Variants in SNX8 observed in about 807,000 individuals in gnomAD.
SNX8 encodes sorting nexin 8, also known as sorting nexin-8.
Under a neutral mutation model 51.6 loss-of-function variants are expected in SNX8, and 25 were observed. The ratio of observed to expected loss-of-function variants is 0.48; its 90% CI spans 0.35 to 0.68. The LOEUF is 0.68. Among genes scored for constraint, SNX8 ranks in the 30% least tolerant of loss-of-function variants. The pLI is 0.00. For synonymous variants in SNX8, 324 were observed against 277.0 expected, an observed-to-expected ratio of 1.17 and a Z score of -1.68; for missense variants, 695 against 624.0, an observed-to-expected ratio of 1.11 and a Z score of -1.21.
At chr7:2,289,027 G>C (rs1419573861) in intron 1 of SNX8, among the ~76,000 whole-genome samples, 2 of 152,166 alleles carry the variant, frequency 1.3e-5, no homozygotes, top group Non-Finnish European at 2.9e-5. Flanking sequence ...GTGAGCCTCT[G>C]CACCTGGCTT....
chr7:2,276,783 A>C (rs1409813099), intron 2 of SNX8, among the ~76,000 whole-genome samples: 1 of 152,216 alleles, frequency 6.6e-6, no homozygotes, highest in Non-Finnish European at 1.5e-5. Flanking sequence ...CATCTCTACA[A>C]ATAATTTAAA....
chr7:2,316,910 G>A (rs1171306052), upstream of SNX8, among the ~76,000 whole-genome samples: 1 of 152,224 alleles, frequency 6.6e-6, no homozygotes, highest in Non-Finnish European at 1.5e-5. Flanking sequence ...ATACAAAGAT[G>A]TTTCCTGTGC....
chr7:2,257,866 C>T, intron 7 of SNX8, 63 bp from the exon 8 acceptor site: 10 of 1,504,728 alleles, frequency 6.6e-6, no homozygotes, highest in Non-Finnish European at 9.2e-6. Context: ...TGCCCGGGAA[C>T]TCAGACCCAA....
chr7:2,263,731 T>G (rs79620824), intron 6 of SNX8, among the ~76,000 whole-genome samples: 1 of 152,056 alleles, frequency 6.6e-6, no homozygotes, highest in Admixed American at 6.5e-5. Context: ...TTTTTTTTTT[T>G]GAGACGGAGT....
intron 1 of SNX8, among the ~76,000 whole-genome samples, chr7:2,304,033 G>T (rs1349592388): frequency 6.6e-6 from 1 of 151,376 alleles, no homozygotes; most frequent in Admixed American, 6.6e-5. Context: ...CAGGCGTGGT[G>T]GCGGGCGCCT....
intron 1 of SNX8, among the ~76,000 whole-genome samples, chr7:2,312,908 T>C (rs1796685646): frequency 6.9e-6 from 1 of 143,976 alleles, no homozygotes; most frequent in African/African-American, 2.5e-5. Context: ...TTTTGTTTTG[T>C]TTTTTTTGAG....
intron 1 of SNX8, among the ~76,000 whole-genome samples, chr7:2,336,964 G>C (rs1462728807): frequency 3.3e-5 from 5 of 151,816 alleles, no homozygotes; most frequent in African/African-American, 1.2e-4. Flanking sequence ...AGCCGAGACT[G>C]CGTTACTACA....
intron 7 of SNX8, among the ~76,000 whole-genome samples, chr7:2,258,267 C>T (rs1795246177): frequency 6.6e-6 from 1 of 152,126 alleles, no homozygotes; most frequent in South Asian, 2.1e-4. Context: ...CCGCCCGCCT[C>T]GGCCTCCCAA....
chr7:2,346,737 C>CACA, intron 1 of SNX8, among the ~76,000 whole-genome samples: 1 of 45,336 alleles, frequency 2.2e-5, no homozygotes, highest in South Asian at 1.3e-3. Context: ...GACTCCGTCT[C>CACA]AAAAAAAAAA....
chr7:2,319,656 A>T (rs954286513), intron 1 of SNX8, among the ~76,000 whole-genome samples: 1 of 152,194 alleles, frequency 6.6e-6, no homozygotes, highest in African/African-American at 2.4e-5. Context: ...TCTACTAAAA[A>T]TACCAAAAAT....
intron 5 of SNX8, among the ~76,000 whole-genome samples, chr7:2,266,399 T>G (rs1584675783): frequency 6.6e-6 from 1 of 151,608 alleles, no homozygotes; most frequent in South Asian, 2.1e-4. Context: ...CAGGCTGGAG[T>G]GCAGTGGCGC....
intron 1 of SNX8, among the ~76,000 whole-genome samples, chr7:2,300,641 CT>C (rs201999410): frequency 8.2e-5 from 12 of 147,066 alleles, no homozygotes; most frequent in African/African-American, 7.5e-5. Context: ...GTCTTTTTTT[CT>C]TTTTTTTTTA....
chr7:2,340,238 ATT>A (rs773460984), intron 1 of SNX8, among the ~76,000 whole-genome samples: 2 of 144,120 alleles, frequency 1.4e-5, no homozygotes, highest in Non-Finnish European at 1.5e-5. Context: ...AATTTTCATA[ATT>A]TTTTTTTTTT....
intron 1 of SNX8, among the ~76,000 whole-genome samples, chr7:2,352,118 G>C (rs1187070625): frequency 6.6e-6 from 1 of 151,766 alleles, no homozygotes; most frequent in Non-Finnish European, 1.5e-5. Flanking sequence ...ATGTTGTTCA[G>C]GCTGGTCTCG....
At chr7:2,316,459 A>G (rs1167667640), upstream of SNX8, among the ~76,000 whole-genome samples, 4 of 147,904 alleles carry the variant, frequency 2.7e-5, no homozygotes, top group Non-Finnish European at 5.9e-5. Flanking sequence ...TGCATCCTGC[A>G]TTCATTCACC....
intron 4 of SNX8, among the ~76,000 whole-genome samples, chr7:2,271,122 C>G (rs1246694397): frequency 6.6e-6 from 1 of 152,248 alleles, no homozygotes; most frequent in Non-Finnish European, 1.5e-5. Context: ...CAGCTCACTG[C>G]AAGCTCCACC....
intron 1 of SNX8, among the ~76,000 whole-genome samples, chr7:2,352,660 G>A (rs968803161): frequency 1.3e-5 from 2 of 151,732 alleles, no homozygotes; most frequent in Admixed American, 6.6e-5. Flanking sequence ...GTGAAACCTC[G>A]TCTCTACTAA....
chr7:2,263,202 A>G (rs977415524), intron 7 of SNX8, 28 bp downstream of exon 7: 3 of 1,612,100 alleles, frequency 1.9e-6, no homozygotes, highest in African/African-American at 1.3e-5. Context: ...TCTCTGGAAC[A>G]GGCGCCTGGG....
chr7:2,266,050 G>A (rs952914646), intron 5 of SNX8, among the ~76,000 whole-genome samples: 1 of 152,184 alleles, frequency 6.6e-6, no homozygotes, highest in African/African-American at 2.4e-5. Context: ...TCAGGAGGTC[G>A]AGGCTGCAAT....
Sources: allele counts gnomAD v4.1 joint callset (sites outside exome capture counted in the v4.1 genomes callset), GRCh38; gene constraint gnomAD v4.1.1; transcripts MANE v1.5; gene names NCBI Gene and HGNC (gene_info 2026-07-23, HGNC 2026-07-21).